MBD5: variants seen among roughly 807,000 people sequenced by gnomAD.
The protein encoded by MBD5 is methyl-CpG binding domain protein 5.
Under a neutral mutation model 117.3 loss-of-function variants are expected in MBD5, and 13 were observed. The observed-to-expected ratio is 0.11, with a 90% CI of 0.07 to 0.18. The LOEUF (loss-of-function observed/expected upper bound fraction) is 0.18, where lower values mean the gene tolerates loss of function less well. Among genes scored for constraint, MBD5 ranks in the 10% least tolerant of loss-of-function variants. The pLI is 1.00. For missense variants in MBD5, 1,879 were observed against 2,093.8 expected (o/e 0.90, Z 2.00); for synonymous variants, 727 against 766.4 (o/e 0.95, Z 0.85).
At chr2:148,045,385 C>CTTT (rs1257788870) in intron 1 of MBD5, among the ~76,000 whole-genome samples, 1 of 152,148 alleles carries the variant, frequency 6.6e-6, no homozygotes, top group African/African-American at 2.4e-5. Context: ...TAAAATATAA[C>CTTT]TTCTAAAGTG....
At chr2:148,249,416 A>G (rs913192546) in intron 3 of MBD5, among the ~76,000 whole-genome samples, 5 of 152,192 alleles carry the variant, frequency 3.3e-5, no homozygotes, top group African/African-American at 1.2e-4. Context: ...GGAAAAAACA[A>G]TAAGTAAAAT....
At chr2:148,331,812 C>A (rs1702664310) in intron 3 of MBD5, among the ~76,000 whole-genome samples, 1 of 151,562 alleles carries the variant, frequency 6.6e-6, no homozygotes, top group Non-Finnish European at 1.5e-5. Context: ...AAAAAAATAC[C>A]CTAAGCAAAC....
chr2:148,432,477 C>A (rs1454656593), intron 4 of MBD5, among the ~76,000 whole-genome samples: 1 of 152,030 alleles, frequency 6.6e-6, no homozygotes, highest in Non-Finnish European at 1.5e-5. Context: ...CCTAGGTTAT[C>A]TTTCAGGGAT....
At chr2:148,162,195 A>G (rs1415436435) in intron 1 of MBD5, among the ~76,000 whole-genome samples, 1 of 152,158 alleles carries the variant, frequency 6.6e-6, no homozygotes, top group African/African-American at 2.4e-5. Flanking sequence ...TGCCTACACT[A>G]TTTGTCAAGA....
At chr2:148,451,982 C>A (rs1358894869) in intron 4 of MBD5, among the ~76,000 whole-genome samples, 1 of 152,054 alleles carries the variant, frequency 6.6e-6, no homozygotes, top group African/African-American at 2.4e-5. Context: ...GTATTCCCAT[C>A]CACTGAGCAC....
chr2:148,341,746 G>A (rs1274771473), intron 3 of MBD5, among the ~76,000 whole-genome samples: 1 of 151,904 alleles, frequency 6.6e-6, no homozygotes, highest in Admixed American at 6.6e-5. Context: ...ACATTTTAAA[G>A]TGGGAATGTT....
At chr2:148,038,770 G>C (rs1694271584) in intron 1 of MBD5, among the ~76,000 whole-genome samples, 1 of 151,896 alleles carries the variant, frequency 6.6e-6, no homozygotes, top group Non-Finnish European at 1.5e-5. Flanking sequence ...TTATCTTACT[G>C]TCCATTGTAT....
chr2:148,156,196 C>G (rs1024536155), intron 1 of MBD5, among the ~76,000 whole-genome samples: 4 of 152,194 alleles, frequency 2.6e-5, no homozygotes, highest in African/African-American at 9.7e-5. Context: ...TAATTTATCT[C>G]CCAGAATTAA....
At chr2:148,276,780 CAAAG>C (rs533686323) in intron 3 of MBD5, among the ~76,000 whole-genome samples, 95 of 152,128 alleles carry the variant, frequency 6.2e-4, no homozygotes, top group African/African-American at 2.1e-3. Flanking sequence ...ATCTGTTTCA[CAAAG>C]AAATATTTGA....
Position 148,043,760 on chromosome 2 carries a change from A to G in MBD5, c.-925+22076A>G, listed in dbSNP as rs1476956041. Among the ~76,000 whole-genome samples the G allele has an allele frequency of 3.9e-5, 6 of 152,218 alleles. No homozygotes were observed. In the East Asian group the frequency reaches 7.7e-4, roughly 20 times the overall value. On this transcript the variant is annotated intron_variant, in intron 1 of 13. Transcript: ENST00000642680. The stretch of plus-strand genomic sequence containing the variant: ...GGGTTGATAATTTTAGTTGAAGGAA[A>G]TAAGTCATTAGAAATACATATTTTA...
intron 1 of MBD5, among the ~76,000 whole-genome samples, chr2:148,118,440 A>G (rs1201936182): frequency 6.6e-6 from 1 of 150,522 alleles, no homozygotes. Context: ...AAAAAAATAT[A>G]TATATATATA....
At chr2:148,189,688 A>C in intron 2 of MBD5, among the ~76,000 whole-genome samples, 1 of 27,112 alleles carries the variant, frequency 3.7e-5, no homozygotes, top group Non-Finnish European at 8.5e-5. Flanking sequence ...AAACTCTAAA[A>C]TGCAGAGCGC....
chr2:148,507,995 T>C (rs1300559218), intron 12 of MBD5, among the ~76,000 whole-genome samples: 1 of 152,190 alleles, frequency 6.6e-6, no homozygotes, highest in African/African-American at 2.4e-5. Flanking sequence ...ACGTCAAACT[T>C]ATGTTCATAC....
chr2:148,510,117 G>A lies in MBD5; in HGVS notation c.5094G>A (p.Leu1698=). The A allele has an allele frequency of 6.2e-7, 1 of 1,610,810 alleles. No individual in the cohort carries two copies. The highest frequency in any genetic ancestry group is 8.5e-7 in the Non-Finnish European group (1 of 1,177,196). The change falls in exon 13 of 14, where the codon CTG becomes CTA. Residue 1698 remains leucine (L), a synonymous_variant. Transcript: ENST00000642680. The part of the protein sequence containing the change: ...EAAIHEAMSE[L]DKMSGTVHQI... The stretch of plus-strand genomic sequence containing the variant: ...CTATTCATGAGGCCATGAGTGAACT[G>A]GACAAAATGTCTGGGACTGTAAGTT...
intron 3 of MBD5, among the ~76,000 whole-genome samples, chr2:148,252,670 C>T (rs910937342): frequency 2.0e-5 from 3 of 152,110 alleles, no homozygotes; most frequent in African/African-American, 7.2e-5. Flanking sequence ...CTACCTCTGC[C>T]TCCCACATAG....
At chr2:148,133,439 T>C (rs1260083447) in intron 1 of MBD5, among the ~76,000 whole-genome samples, 1 of 152,224 alleles carries the variant, frequency 6.6e-6, no homozygotes, top group African/African-American at 2.4e-5. Flanking sequence ...GTGTAAACTT[T>C]GCAAATTTGA....
At chr2:148,284,985 T>C (rs1318196749) in intron 3 of MBD5, among the ~76,000 whole-genome samples, 1 of 152,234 alleles carries the variant, frequency 6.6e-6, no homozygotes, top group East Asian at 1.9e-4. Flanking sequence ...GGTTATTTGT[T>C]TGCTGTCTGT....
At chr2:148,240,294 C>T (rs941171080) in intron 3 of MBD5, among the ~76,000 whole-genome samples, 5 of 152,022 alleles carry the variant, frequency 3.3e-5, no homozygotes, top group African/African-American at 1.2e-4. Flanking sequence ...GAAGGGATAG[C>T]ATTAGGAGAT....
intron 2 of MBD5, among the ~76,000 whole-genome samples, chr2:148,230,193 C>G (rs1337482155): frequency 2.0e-5 from 3 of 152,114 alleles, no homozygotes; most frequent in African/African-American, 4.8e-5. Context: ...GAGCCAGGGA[C>G]TAGAGTAAAA....
Sources: gnomAD v4.1 joint callset for allele counts (sites outside exome capture counted in the v4.1 genomes callset) on GRCh38, gnomAD v4.1.1 for gene constraint, MANE v1.5 for transcripts, NCBI Gene and HGNC (gene_info 2026-07-23, HGNC 2026-07-21) for gene names.